Variants in PCDHA2 observed in about 807,000 individuals in gnomAD.
The protein encoded by PCDHA2 is protocadherin alpha 2, also known as protocadherin alpha-2.
A neutral mutation model predicts 66.0 loss-of-function variants in PCDHA2; 58 were observed. The observed-to-expected ratio is 0.88, with a 90% confidence interval of 0.71 to 1.09. The LOEUF (loss-of-function observed/expected upper bound fraction) is 1.09. Among genes scored for constraint, PCDHA2 ranks in the 50% least tolerant of loss-of-function variants. The probability of loss-of-function intolerance (pLI) is 0.00; values close to 1 mark genes in which losing one functional copy is unlikely to be tolerated. For synonymous variants in PCDHA2, 634 were observed against 554.0 expected (o/e 1.14, Z -2.03); for missense variants, 1,267 against 1,242.3 (o/e 1.02, Z -0.30).
At chr5:140,863,749 G>C (rs1346198553) in intron 1 of PCDHA2, 1 of 245,376 alleles carries the variant, frequency 4.1e-6, no homozygotes, top group Non-Finnish European at 8.0e-6. Flanking sequence ...TTGTAATCCC[G>C]GCACTTTGGG....
intron 1 of PCDHA2, among the ~76,000 whole-genome samples, chr5:140,838,065 TTATA>T (rs144773480): frequency 1.1e-4 from 12 of 113,362 alleles, no homozygotes; most frequent in Admixed American, 1.8e-4. Context: ...CCACTTTAAG[TTATA>T]TATATATAGT....
At chr5:140,945,722 A>G (rs2093833983) in intron 1 of PCDHA2, among the ~76,000 whole-genome samples, 1 of 152,110 alleles carries the variant, frequency 6.6e-6, no homozygotes, top group African/African-American at 2.4e-5. Context: ...TCAAGAATAT[A>G]CAATGGAAAA....
At chr5:140,872,562 G>A (rs2053754616) in intron 1 of PCDHA2, among the ~76,000 whole-genome samples, 1 of 152,072 alleles carries the variant, frequency 6.6e-6, no homozygotes, top group Non-Finnish European at 1.5e-5. Context: ...AGGGGTTCAG[G>A]GCTGCAGTGA....
chr5:140,977,518 G>C (rs1328241179), intron 1 of PCDHA2, among the ~76,000 whole-genome samples: 5 of 152,166 alleles, frequency 3.3e-5, no homozygotes, highest in African/African-American at 7.2e-5. Context: ...TTGTGAACTT[G>C]AAAACAAAGG....
At chr5:140,851,190 G>T in intron 1 of PCDHA2, 1 of 1,221,164 alleles carries the variant, frequency 8.2e-7, no homozygotes, top group Non-Finnish European at 1.1e-6. Flanking sequence ...AACCAATTTA[G>T]TTGTTAGTCA....
chr5:140,805,007 T>C, intron 1 of PCDHA2: 1 of 1,543,616 alleles, frequency 6.5e-7, no homozygotes, highest in East Asian at 2.3e-5. Flanking sequence ...AATTTAGTTC[T>C]GTTATCAGCT....
chr5:141,009,654 C>T lies in PCDHA2; in HGVS notation c.2564C>T (p.Pro855Leu). 4 of 1,614,012 alleles carry T rather than the reference C, an allele frequency of 2.5e-6. No individual in the cohort carries two copies. The highest frequency in any genetic ancestry group is 3.4e-6 in the Non-Finnish European group (4 of 1,179,962). The change falls in exon 4 of 4, where the codon CCA becomes CTA. Residue 855 changes from proline to leucine, a missense_variant. Pro to Leu is a moderately conservative substitution (Grantham distance 98, BLOSUM62 -3). Coordinates refer to ENST00000526136, the MANE Select transcript of PCDHA2 (RefSeq NM_018905.3). ...CCAGAGGCAGGAGAAGTGTCCCCTC[C>T]AGTCGGTGCGGGTGTCAACAGCAAC... ...PEPEAGEVSP[P>L]VGAGVNSNSW...
chr5:140,928,177 A>G lies in PCDHA2; in HGVS notation c.2389-50772A>G, dbSNP rs781987562. Reference sequence around the variant, plus strand: ...TGGCTCACCCCCACTTAGCACCCGAAGGACAATCACTGTGTCAGTTGCTGA... The same window carrying G: ...TGGCTCACCCCCACTTAGCACCCGAGGGACAATCACTGTGTCAGTTGCTGA... On this transcript the variant is annotated intron_variant, in intron 1 of 3. Transcript: ENST00000526136. 8.7e-6 allele frequency: 14 copies of G among 1,614,218 alleles called. No homozygotes were observed. The East Asian group carries it at 2.7e-4, about 31-fold the overall frequency.
chr5:140,926,570 G>A (rs2083360845), intron 1 of PCDHA2: 1 of 267,246 alleles, frequency 3.7e-6, no homozygotes, highest in African/African-American at 2.2e-5. Flanking sequence ...TGCTACTGGA[G>A]ACAGCACCTC....
intron 1 of PCDHA2, chr5:140,928,068 C>G: frequency 1.2e-6 from 2 of 1,614,214 alleles, no homozygotes; most frequent in South Asian, 2.2e-5. Context: ...CTTCCTTTGA[C>G]AACTACTACA....
rs369562052 is a variant in PCDHA2, at chr5:140,877,058, A to G, written c.2388+79706A>G. On this transcript the variant is annotated intron_variant, in intron 1 of 3. Transcript: ENST00000526136. Reference sequence around the variant, plus strand: ...CAGCCGCTAGACCACGAGGAGCTGGAGCTGCTGCAGTTCCAGGTGAGCGCG... The same window carrying G: ...CAGCCGCTAGACCACGAGGAGCTGGGGCTGCTGCAGTTCCAGGTGAGCGCG... The G allele has an allele frequency of 1.9e-6, 3 of 1,612,726 alleles. No homozygotes were observed. The African/African-American group carries it at 4.0e-5, about 22-fold the overall frequency.
Position 140,849,905 on chromosome 5 carries a change from G to A in PCDHA2, c.2388+52553G>A, listed in dbSNP as rs2150456926. On this transcript the variant is annotated intron_variant, in intron 1 of 3. Coordinates refer to ENST00000526136, the MANE Select transcript of PCDHA2 (RefSeq NM_018905.3). The stretch of plus-strand genomic sequence containing the variant: ...TGTTCGTGAAGGAGAACAACCCGCC[G>A]GGCTGCCACATCTTCACGGTGTCTG... The A allele has an allele frequency of 3.4e-5, 55 of 1,598,312 alleles. 1 individual carries two copies. The highest frequency in any genetic ancestry group is 3.5e-4 in the Middle Eastern group (2 of 5,794).
chr5:140,960,397 G>A (rs1322659184), intron 1 of PCDHA2, among the ~76,000 whole-genome samples: 1 of 152,102 alleles, frequency 6.6e-6, no homozygotes, highest in African/African-American at 2.4e-5. Flanking sequence ...AGGATGCAAG[G>A]GGGGGTGCCC....
chr5:140,815,039 T>A (rs1316508062), intron 1 of PCDHA2: 2 of 152,098 alleles, frequency 1.3e-5, no homozygotes, highest in Admixed American at 6.5e-5. Flanking sequence ...TTGCATGAAA[T>A]TTTTTTAATA....
At chr5:140,880,420 A>C (rs1554171279) in intron 1 of PCDHA2, among the ~76,000 whole-genome samples, 2 of 152,230 alleles carry the variant, frequency 1.3e-5, no homozygotes, top group Non-Finnish European at 2.9e-5. Context: ...TAAAAGCGGG[A>C]ACAGTTTTTC....
intron 1 of PCDHA2, chr5:140,859,802 T>G (rs1318090519): frequency 6.6e-6 from 1 of 152,544 alleles, no homozygotes; most frequent in Non-Finnish European, 1.5e-5. Flanking sequence ...TTATAGATGC[T>G]AAGTTAATGC....
chr5:140,884,818 T>C (rs1298208791), intron 1 of PCDHA2: 1 of 1,050,614 alleles, frequency 9.5e-7, no homozygotes, highest in Non-Finnish European at 1.3e-6. Context: ...CTGTGGACAT[T>C]ATGTGTTGGA....
At position 140,796,036 on chromosome 5, in the gene PCDHA2, C is replaced by T; in HGVS notation, c.1072C>T (p.Pro358Ser). ...PEVSITSLSL[P>S]ISENASLGTV... is the part of the protein sequence containing the mutation. ...AGTCTCAATAACGTCTCTCTCACTT[C>T]CCATCTCAGAGAACGCTTCCCTGGG... Residue 358 changes from proline to serine, a missense_variant, in exon 1 of 4, where the codon CCC (proline) becomes TCC (serine). Pro to Ser is a moderately conservative substitution (Grantham distance 74). Coordinates refer to ENST00000526136, the MANE Select transcript of PCDHA2 (RefSeq NM_018905.3). 6.2e-7 allele frequency: 1 copy of T among 1,614,188 alleles called. No individual in the cohort carries two copies. Among genetic ancestry groups the T allele is most frequent in the South Asian group, 1.1e-5 (1 of 91,080 alleles).
chr5:140,982,722 T>G, intron 3 of PCDHA2, 159 bp downstream of exon 3: 1 of 913,304 alleles, frequency 1.1e-6, no homozygotes, highest in African/African-American at 1.8e-5. Flanking sequence ...TATGATTATT[T>G]TGATTTTATA....
Sources: gnomAD v4.1 joint callset for allele counts (sites outside exome capture counted in the v4.1 genomes callset) on GRCh38, gnomAD v4.1.1 for gene constraint, MANE v1.5 for transcripts, NCBI Gene and HGNC (gene_info 2026-07-23, HGNC 2026-07-21) for gene names.